Variants in NOL9 observed in about 807,000 individuals in gnomAD.
NOL9 encodes the protein polynucleotide 5'-hydroxyl-kinase NOL9.
NOL9 carries 28 observed loss-of-function variants against 67.9 expected under a neutral mutation model. The ratio of observed to expected loss-of-function variants is 0.41; its 90% CI spans 0.31 to 0.57. The LOEUF is 0.57. Among genes scored for constraint, NOL9 ranks in the 20% least tolerant of loss-of-function variants. The probability of loss-of-function intolerance (pLI) is 0.25; values close to 1 mark genes in which losing one functional copy is unlikely to be tolerated. For synonymous variants in NOL9, 356 were observed against 352.2 expected, an observed-to-expected ratio of 1.01 and a Z score of -0.12; for missense variants, 777 against 897.0, an observed-to-expected ratio of 0.87 and a Z score of 1.71.
In NOL9 at chr1:6,522,420, G is replaced by C. The variant is rs1414024115; in HGVS notation, c.*3434C>G. 6.7e-6 allele frequency: 1 copy of C among 150,038 alleles called. No individual in the cohort carries two copies. Among genetic ancestry groups the C allele is most frequent in the Non-Finnish European group, 1.5e-5 (1 of 67,574 alleles). The allele number at this position is 150,038 out of a possible 1,614,324, so 9.3% of individuals were successfully genotyped here. A position where few individuals can be genotyped will look rare whatever the true frequency, so the allele number is the denominator to read the frequency against. ...CAAAAATTAGCTGGGTGTGGTGGCA[G>C]GCGCCTGTAATCCCAGCTACTTGGG... On this transcript the variant is annotated 3_prime_UTR_variant, in exon 12 of 12. Transcript: ENST00000377705.
chr1:6,535,635 A>G lies in NOL9; in HGVS notation c.1076-2194T>C, dbSNP rs147982739. On this transcript the variant is annotated intron_variant, in intron 6 of 11. Transcript: ENST00000377705. The stretch of plus-strand genomic sequence containing the variant: ...GTTTTCTTGTTTTTGTTTATTTTTA[A>G]GACAGGGTCAGCTGGGCATGGTGGC... Among the ~76,000 whole-genome samples, 538 of 152,290 alleles carry G rather than the reference A, an allele frequency of 3.5e-3. 3 individuals are homozygous for G. The highest frequency in any genetic ancestry group is 0.013 in the African/African-American group (523 of 41,560).
chr1:6,548,674 G>A (rs1256222844), intron 3 of NOL9: 1 of 215,046 alleles, frequency 4.7e-6, no homozygotes, highest in Non-Finnish European at 9.7e-6. Context: ...AAAAATTAGA[G>A]GTAAGGAAAG....
At chr1:6,526,265 T>C (rs1000400078) in intron 11 of NOL9, among the ~76,000 whole-genome samples, 1 of 152,066 alleles carries the variant, frequency 6.6e-6, no homozygotes, top group East Asian at 1.9e-4. Context: ...GTGCGTCCCT[T>C]TCAAATGAGG....
intron 7 of NOL9, among the ~76,000 whole-genome samples, 161 bp from the exon 8 acceptor site, chr1:6,532,921 C>G (rs1407189442): frequency 2.0e-5 from 3 of 152,194 alleles, no homozygotes; most frequent in Admixed American, 2.0e-4. Flanking sequence ...GTTTGTAATC[C>G]CAGCATGCCT....
chr1:6,546,784 T>C (rs1639430563), intron 3 of NOL9, among the ~76,000 whole-genome samples: 1 of 152,132 alleles, frequency 6.6e-6, no homozygotes. Flanking sequence ...TACAAAACTC[T>C]CCTGATCATA....
At chr1:6,528,079 G>A (rs954683168) in intron 10 of NOL9, among the ~76,000 whole-genome samples, 2 of 152,166 alleles carry the variant, frequency 1.3e-5, no homozygotes, top group African/African-American at 2.4e-5. Context: ...ATACAGTGTT[G>A]TCCAAATCTG....
At position 6,529,066 on chromosome 1, in the gene NOL9, C is replaced by T. The variant is rs1218803590; in HGVS notation, c.1753G>A (p.Asp585Asn). 3.1e-6 allele frequency: 5 copies of T among 1,613,940 alleles called. No homozygotes were observed. The highest frequency in any genetic ancestry group is 1.7e-5 in the Admixed American group (1 of 59,968). The stretch of plus-strand genomic sequence containing the variant: ...CCATTCGTGTATCCTCTGACGTCAT[C>T]CTGGATCTTGCAAAGACCAACCCAG... ...ASWVGLCKIQ[D>N]DVRGYTNGPI... Residue 585 changes from aspartate (D) to asparagine (N), a missense_variant, in exon 10 of 12, where the codon GAT becomes AAT. Physicochemically the swap from Asp to Asn is conservative, Grantham distance 23. Coordinates refer to ENST00000377705, the MANE Select transcript of NOL9 (RefSeq NM_024654.5).
At chr1:6,531,354 T>C (rs1156481012) in intron 9 of NOL9, among the ~76,000 whole-genome samples, 1 of 151,982 alleles carries the variant, frequency 6.6e-6, no homozygotes, top group African/African-American at 2.4e-5. Context: ...GCTGGGACTA[T>C]AGGCACGTGC....
chr1:6,529,529 A>G (rs1056444580), intron 9 of NOL9, among the ~76,000 whole-genome samples: 10 of 152,156 alleles, frequency 6.6e-5, no homozygotes, highest in Non-Finnish European at 1.5e-4. Context: ...CGGAGGTTGC[A>G]GTGAGCAGAG....
chr1:6,551,728 C>T (rs1639546393), intron 1 of NOL9, among the ~76,000 whole-genome samples: 1 of 152,100 alleles, frequency 6.6e-6, no homozygotes, highest in Non-Finnish European at 1.5e-5. Context: ...CAAACTAATT[C>T]AGGTACAGAA....
intron 6 of NOL9, among the ~76,000 whole-genome samples, chr1:6,541,386 T>C (rs944726108): frequency 6.6e-6 from 1 of 152,188 alleles, no homozygotes; most frequent in East Asian, 1.9e-4. Context: ...TTCCCCATGT[T>C]GGCCAGGCTT....
At chr1:6,531,830 C>T in intron 9 of NOL9, 138 bp downstream of exon 9, 1 of 703,810 alleles carries the variant, frequency 1.4e-6, no homozygotes, top group Non-Finnish European at 2.5e-6. Context: ...GGAATAACGA[C>T]ACAAGCTGTG....
chr1:6,547,619 T>C (rs546187340), intron 3 of NOL9, among the ~76,000 whole-genome samples: 1 of 152,168 alleles, frequency 6.6e-6, no homozygotes, highest in African/African-American at 2.4e-5. Flanking sequence ...TCAGCACTTT[T>C]GGAGGCAGGT....
intron 1 of NOL9, among the ~76,000 whole-genome samples, chr1:6,552,146 G>A (rs947088653): frequency 1.3e-5 from 2 of 152,176 alleles, no homozygotes; most frequent in African/African-American, 4.8e-5. Flanking sequence ...GAGCCTGTGG[G>A]GGTCTGGGGA....
chr1:6,531,117 C>A (rs551705929), intron 9 of NOL9, among the ~76,000 whole-genome samples: 2 of 152,372 alleles, frequency 1.3e-5, no homozygotes, highest in African/African-American at 2.4e-5. Flanking sequence ...CTAACACTAT[C>A]ATGCTTTCCT....
chr1:6,536,069 G>A (rs1218105937), intron 6 of NOL9, among the ~76,000 whole-genome samples: 3 of 152,146 alleles, frequency 2.0e-5, no homozygotes, highest in Non-Finnish European at 2.9e-5. Context: ...GGTGTGGGCC[G>A]GGTGCGGTAG....
chr1:6,531,886 G>C (rs1639036317), intron 9 of NOL9, 82 bp downstream of exon 9: 1 of 1,004,868 alleles, frequency 1.0e-6, no homozygotes, highest in African/African-American at 1.6e-5. Flanking sequence ...GTTATGTAGT[G>C]GTTAGGAGAG....
rs1394374621 is a variant in NOL9, at chr1:6,541,874, G to A, written c.1031C>T (p.Pro344Leu). 1.9e-6 allele frequency: 3 copies of A among 1,608,842 alleles called. No homozygotes were observed. The highest frequency in any genetic ancestry group is 1.7e-6 in the Non-Finnish European group (2 of 1,177,776). ...ATTAAGCAAAGAAATGCAACCAGGA[G>A]GGGTAAATTCTGTCTGTCCCAGATC... Reference protein sequence around the residue: ...ECDLGQTEFTPPGCISLLNIT... With the variant: ...ECDLGQTEFTLPGCISLLNIT... Residue 344 changes from proline to leucine, a missense_variant, in exon 6 of 12, where the codon CCT (proline) becomes CTT (leucine). Coordinates refer to ENST00000377705, the MANE Select transcript of NOL9 (RefSeq NM_024654.5).
rs181036026 is a variant in NOL9 at position 6,539,762 on chromosome 1, G to T, written c.1075+2068C>A. ...GCCTCCCAAAGTGCTGGGATTACAG[G>T]TGTGAGCCATGGCACCTGGCCAGGA... On this transcript the variant is annotated intron_variant, in intron 6 of 11. Transcript: ENST00000377705. Among the ~76,000 whole-genome samples the T allele has an allele frequency of 3.0e-4, 46 of 152,324 alleles. 1 individual carries two copies. Among genetic ancestry groups the T allele is most frequent in the African/African-American group, 1.1e-3 (46 of 41,566 alleles).
Sources: gnomAD v4.1 joint callset for allele counts (sites outside exome capture counted in the v4.1 genomes callset) on GRCh38, gnomAD v4.1.1 for gene constraint, MANE v1.5 for transcripts, NCBI Gene and HGNC (gene_info 2026-07-23, HGNC 2026-07-21) for gene names.